The following UBASH3B variants were observed in gnomAD, a reference collection of about 807,000 sequenced individuals.
UBASH3B encodes ubiquitin associated and SH3 domain containing B, also known as ubiquitin-associated and SH3 domain-containing protein B.
UBASH3B carries 37 observed loss-of-function variants against 83.4 expected under a neutral mutation model. That is an observed-to-expected ratio of 0.44 (90% CI 0.34 to 0.58). The LOEUF (loss-of-function observed/expected upper bound fraction) is 0.58. Ranked by LOEUF, UBASH3B falls within the 20% of genes least tolerant of loss-of-function variation. The pLI is 0.01. For synonymous variants in UBASH3B, 304 were observed against 318.3 expected (o/e 0.96, Z 0.48); for missense variants, 657 against 827.2 (o/e 0.79, Z 2.52).
At chr11:122,670,879 C>T (rs768230277) in intron 1 of UBASH3B, among the ~76,000 whole-genome samples, 25 of 152,064 alleles carry the variant, frequency 1.6e-4, no homozygotes, top group Non-Finnish European at 3.1e-4. Flanking sequence ...TCTCCTTCCC[C>T]AGCCTCCCGA....
At chr11:122,666,251 C>T (rs534422837) in intron 1 of UBASH3B, among the ~76,000 whole-genome samples, 1 of 152,346 alleles carries the variant, frequency 6.6e-6, no homozygotes, top group South Asian at 2.1e-4. Context: ...TTACAGAGAG[C>T]GTTCGCTCCC....
chr11:122,795,330 G>T (rs918219737), intron 7 of UBASH3B, among the ~76,000 whole-genome samples: 2 of 152,100 alleles, frequency 1.3e-5, no homozygotes, highest in African/African-American at 4.8e-5. Context: ...AACCATTGTG[G>T]CTGGAGCCCA....
At chr11:122,708,433 A>G (rs1184642786) in intron 1 of UBASH3B, among the ~76,000 whole-genome samples, 1 of 151,854 alleles carries the variant, frequency 6.6e-6, no homozygotes, top group Non-Finnish European at 1.5e-5. Context: ...CTGGGATTAC[A>G]GGCATGTACC....
At chr11:122,703,968 G>C (rs1173904422) in intron 1 of UBASH3B, among the ~76,000 whole-genome samples, 2 of 152,190 alleles carry the variant, frequency 1.3e-5, no homozygotes, top group Non-Finnish European at 2.9e-5. Context: ...TCTTGGCTTG[G>C]GGGACACTGT....
intron 3 of UBASH3B, among the ~76,000 whole-genome samples, chr11:122,777,905 T>G (rs561053102): frequency 1.3e-5 from 2 of 151,924 alleles, no homozygotes; most frequent in East Asian, 3.9e-4. Flanking sequence ...AATTTTTGTA[T>G]TTTTAGTAGA....
At chr11:122,662,964 G>A (rs996540458) in intron 1 of UBASH3B, among the ~76,000 whole-genome samples, 2 of 145,954 alleles carry the variant, frequency 1.4e-5, no homozygotes, top group East Asian at 2.1e-4. Context: ...CCTCTTACGC[G>A]CTAATGTCTT....
chr11:122,803,070 G>A (rs1193072617), intron 11 of UBASH3B, among the ~76,000 whole-genome samples: 2 of 152,220 alleles, frequency 1.3e-5, no homozygotes, highest in African/African-American at 4.8e-5. Flanking sequence ...TGAGCAGAAG[G>A]ATGAATGCCA....
chr11:122,776,395 T>G (rs1860735427), intron 2 of UBASH3B, 123 bp downstream of exon 2: 2 of 852,524 alleles, frequency 2.3e-6, no homozygotes, highest in South Asian at 4.1e-5. Flanking sequence ...GCCAAAAGAC[T>G]GTGGCAAGTG....
chr11:122,690,167 CATATATATATATAT>C (rs57203901), intron 1 of UBASH3B, among the ~76,000 whole-genome samples: 59 of 43,568 alleles, frequency 1.4e-3, no homozygotes, highest in African/African-American at 3.2e-3. Flanking sequence ...GGCAGGAAAA[CATATATATATATAT>C]ATATATATAT....
intron 1 of UBASH3B, among the ~76,000 whole-genome samples, chr11:122,740,100 G>A (rs1861000382): frequency 6.6e-6 from 1 of 152,210 alleles, no homozygotes; most frequent in Admixed American, 6.5e-5. Flanking sequence ...TTGAGTGTCT[G>A]CTTGGTGCCT....
intron 1 of UBASH3B, among the ~76,000 whole-genome samples, chr11:122,692,087 C>T (rs1233245334): frequency 6.6e-6 from 1 of 152,122 alleles, no homozygotes; most frequent in African/African-American, 2.4e-5. Flanking sequence ...TTTAATCTCC[C>T]TAAGCCTAAG....
rs373029415 is a variant in UBASH3B, at chr11:122,694,078, G to A, written c.161+37868G>A. ...CCATGCAGCCTGATTTGGGTGATAT[G>A]TAGACGTGACATTAAGAAATGATGA... On this transcript the variant is annotated intron_variant, in intron 1 of 13. Coordinates refer to ENST00000284273, the MANE Select transcript of UBASH3B (RefSeq NM_032873.5). Among the ~76,000 whole-genome samples, 9 of 152,280 alleles carry A rather than the reference G, an allele frequency of 5.9e-5. No homozygotes were observed. In the East Asian group the frequency reaches 1.7e-3, roughly 29 times the overall value.
At chr11:122,757,481 G>A (rs989871283) in intron 1 of UBASH3B, among the ~76,000 whole-genome samples, 2 of 152,144 alleles carry the variant, frequency 1.3e-5, no homozygotes, top group African/African-American at 4.8e-5. Context: ...GCACTTTGTC[G>A]TAGAAGCACA....
intron 1 of UBASH3B, among the ~76,000 whole-genome samples, chr11:122,713,083 A>T (rs1565538259): frequency 6.6e-6 from 1 of 151,060 alleles, no homozygotes; most frequent in African/African-American, 2.4e-5. Context: ...AATTTTTTGT[A>T]TTTTTAGTAG....
Position 122,665,725 on chromosome 11 carries a change from G to A in UBASH3B, c.161+9515G>A, listed in dbSNP as rs74785598. 0.012 allele frequency among the ~76,000 whole-genome samples: 1,804 copies of A among 152,290 alleles called. 49 individuals carry two copies. In the East Asian group the frequency reaches 0.12, roughly 11 times the overall value. On this transcript the variant is annotated intron_variant, in intron 1 of 13. Transcript: ENST00000284273. ...GAGGCAATTACAGTGGTGGGGAGCC[G>A]TTTACTAGTATGCAATAGTATAATT... is the stretch of plus-strand genomic sequence containing the variant.
chr11:122,728,895 C>T (rs1169331184), intron 1 of UBASH3B, among the ~76,000 whole-genome samples: 1 of 152,184 alleles, frequency 6.6e-6, no homozygotes, highest in African/African-American at 2.4e-5. Flanking sequence ...ATTGTTAAAT[C>T]CCTCCCTCTC....
At chr11:122,718,122 A>C (rs1225874610) in intron 1 of UBASH3B, among the ~76,000 whole-genome samples, 2 of 151,932 alleles carry the variant, frequency 1.3e-5, no homozygotes, top group African/African-American at 4.8e-5. Flanking sequence ...ACGGGGTTTC[A>C]CCATGTTGGC....
intron 1 of UBASH3B, among the ~76,000 whole-genome samples, chr11:122,750,766 G>A (rs912730974): frequency 6.6e-6 from 1 of 152,176 alleles, no homozygotes; most frequent in Non-Finnish European, 1.5e-5. Context: ...CTCTACTTCT[G>A]TCAAGATAGA....
chr11:122,664,037 C>A (rs1036737528), intron 1 of UBASH3B, among the ~76,000 whole-genome samples: 15 of 152,152 alleles, frequency 9.9e-5, no homozygotes, highest in African/African-American at 3.4e-4. Flanking sequence ...TGGTTTGGTT[C>A]CTTGGTCGCC....
Sources: gnomAD v4.1 joint callset for allele counts (sites outside exome capture counted in the v4.1 genomes callset) on GRCh38, gnomAD v4.1.1 for gene constraint, MANE v1.5 for transcripts, NCBI Gene and HGNC (gene_info 2026-07-23, HGNC 2026-07-21) for gene names.